STX18: variants seen among roughly 807,000 people sequenced by gnomAD.
STX18 encodes the protein syntaxin 18, also known as syntaxin-18.
Under a neutral mutation model 50.1 loss-of-function variants are expected in STX18, and 40 were observed. That is an observed-to-expected ratio of 0.80 (90% CI 0.62 to 1.04). The LOEUF (loss-of-function observed/expected upper bound fraction) is 1.04. Ranked by LOEUF, STX18 falls within the 50% of genes least tolerant of loss-of-function variation. The pLI is 0.00. For synonymous variants in STX18, 158 were observed against 151.8 expected (o/e 1.04, Z -0.30); for missense variants, 410 against 415.8 (o/e 0.99, Z 0.12).
At chr4:4,429,042 C>T (rs1725396854) in intron 7 of STX18, among the ~76,000 whole-genome samples, 1 of 152,134 alleles carries the variant, frequency 6.6e-6, no homozygotes, top group African/African-American at 2.4e-5. Context: ...TTCAGCTAGA[C>T]CAGCACTCTC....
At chr4:4,448,659 C>G (rs535477581) in intron 5 of STX18, among the ~76,000 whole-genome samples, 1 of 152,242 alleles carries the variant, frequency 6.6e-6, no homozygotes, top group African/African-American at 2.4e-5. Flanking sequence ...TCCTCTTTGT[C>G]TAAGTTTTCT....
intron 9 of STX18, among the ~76,000 whole-genome samples, chr4:4,422,467 A>T (rs1436120330): frequency 2.6e-5 from 4 of 151,764 alleles, no homozygotes; most frequent in African/African-American, 4.8e-5. Context: ...CAAGAGGCTG[A>T]CTGAGGCAGG....
chr4:4,431,209 C>T (rs1187962420), intron 7 of STX18, among the ~76,000 whole-genome samples: 1 of 152,170 alleles, frequency 6.6e-6, no homozygotes, highest in East Asian at 1.9e-4. Context: ...AAGCCCAACA[C>T]AGAAGGTAAA....
chr4:4,420,180 G>C lies in STX18; in HGVS notation c.913-51C>G. On this transcript the variant is annotated intron_variant, in intron 10 of 10. Transcript: ENST00000306200. The surrounding 1 kb of genome is among the most constrained non-coding windows in gnomAD (Gnocchi z 4.3). ...TTTTTATCACACAGGATTTTGGTTT[G>C]AGCAGCCCTGAAATGCCCCCCTCTT... The C allele has an allele frequency of 6.7e-7, 1 of 1,491,814 alleles. No homozygotes were observed. The highest frequency in any genetic ancestry group is 9.1e-7 in the Non-Finnish European group (1 of 1,093,964). 92.4% of individuals were successfully genotyped at this position (1,491,814 alleles called of 1,614,324 possible).
intron 6 of STX18, chr4:4,437,553 A>T: frequency 1.1e-6 from 1 of 948,674 alleles, no homozygotes; most frequent in South Asian, 4.9e-5. Flanking sequence ...TCTGGTCCCA[A>T]GCATTTCAGA....
At chr4:4,422,137 T>G (rs1478789839) in intron 9 of STX18, among the ~76,000 whole-genome samples, 1 of 152,182 alleles carries the variant, frequency 6.6e-6, no homozygotes, top group African/African-American at 2.4e-5. Context: ...CTTTGCCTCA[T>G]CATCACCCCT....
At chr4:4,533,674 C>T (rs993242892) in intron 1 of STX18, among the ~76,000 whole-genome samples, 1 of 152,342 alleles carries the variant, frequency 6.6e-6, no homozygotes, top group African/African-American at 2.4e-5. Context: ...GTAGAAAAAT[C>T]TGGTTCTTGG....
At chr4:4,488,560 A>G (rs971405580) in intron 1 of STX18, among the ~76,000 whole-genome samples, 1 of 152,210 alleles carries the variant, frequency 6.6e-6, no homozygotes, top group African/African-American at 2.4e-5. Context: ...CAGCCCATCA[A>G]GTATGGGTCC....
intron 1 of STX18, among the ~76,000 whole-genome samples, chr4:4,533,362 A>G (rs1731187210): frequency 1.3e-5 from 2 of 152,226 alleles, no homozygotes; most frequent in South Asian, 4.1e-4. Context: ...GACGTCAAAC[A>G]TCAAGTTTAC....
intron 2 of STX18, among the ~76,000 whole-genome samples, chr4:4,465,743 C>A (rs1727591084): frequency 6.6e-6 from 1 of 152,158 alleles, no homozygotes; most frequent in South Asian, 2.1e-4. Context: ...ACCTGCACAT[C>A]CTACACATGT....
At chr4:4,525,077 CCTGTGG>C (rs1366513611) in intron 1 of STX18, among the ~76,000 whole-genome samples, 1 of 152,074 alleles carries the variant, frequency 6.6e-6, no homozygotes, top group Non-Finnish European at 1.5e-5. Flanking sequence ...ATAGGGGTAT[CCTGTGG>C]TACATTTATG....
chr4:4,502,195 G>T (rs1729489838), intron 1 of STX18, among the ~76,000 whole-genome samples: 1 of 152,120 alleles, frequency 6.6e-6, no homozygotes, highest in African/African-American at 2.4e-5. Context: ...GGAAACAAAT[G>T]ACAGCACTTT....
intron 1 of STX18, chr4:4,499,638 T>G (rs1400544974): frequency 3.4e-6 from 2 of 582,052 alleles, no homozygotes; most frequent in East Asian, 1.4e-4. Context: ...ACTTAATCAT[T>G]AAACCTGAAC....
intron 5 of STX18, among the ~76,000 whole-genome samples, chr4:4,456,817 C>T (rs1260858446): frequency 6.6e-6 from 1 of 152,160 alleles, no homozygotes; most frequent in Non-Finnish European, 1.5e-5. Flanking sequence ...TCAAGATGTG[C>T]CAGCCTCATC....
At chr4:4,539,578 C>T (rs556185146) in intron 1 of STX18, among the ~76,000 whole-genome samples, 2 of 152,356 alleles carry the variant, frequency 1.3e-5, no homozygotes, top group South Asian at 4.1e-4. Context: ...CCCTGAACAA[C>T]ACAGCCCATG....
intron 1 of STX18, among the ~76,000 whole-genome samples, chr4:4,539,195 T>A (rs1419365223): frequency 6.6e-6 from 1 of 152,170 alleles, no homozygotes; most frequent in African/African-American, 2.4e-5. Flanking sequence ...TTGAACCAGA[T>A]AAAACGCATC....
chr4:4,438,436 A>C lies in STX18; in HGVS notation c.571T>G (p.Ser191Ala), dbSNP rs1725907942. ...TSSEKVSQSP[S>A]KDSEENPATE... ...GCAGGGTTTTCTTCAGAGTCTTTTG[A>C]AGGACTCTGTGAAACTTTCTCAGAA... Residue 191 changes from serine to alanine, a missense_variant, in exon 6 of 11, where the codon TCA (serine) becomes GCA (alanine). Transcript: ENST00000306200. The C allele has an allele frequency of 2.5e-5, 41 of 1,613,840 alleles. No individual in the cohort carries two copies. The highest frequency in any genetic ancestry group is 3.4e-5 in the Non-Finnish European group (40 of 1,179,812).
intron 1 of STX18, among the ~76,000 whole-genome samples, chr4:4,500,514 C>G (rs62289846): frequency 0.055 from 8,401 of 152,152 alleles, 334 homozygotes; most frequent in African/African-American, 0.11. Flanking sequence ...AATACTGCAC[C>G]TTTTTACCAG....
At chr4:4,466,453 G>T (rs1727625557) in intron 2 of STX18, among the ~76,000 whole-genome samples, 1 of 152,186 alleles carries the variant, frequency 6.6e-6, no homozygotes, top group Non-Finnish European at 1.5e-5. Flanking sequence ...GCAGAGAAGG[G>T]ATTTGAAGAG....
Sources: allele counts gnomAD v4.1 joint callset (sites outside exome capture counted in the v4.1 genomes callset), GRCh38; gene constraint gnomAD v4.1.1; non-coding constraint Gnocchi (gnomAD v3.1); transcripts MANE v1.5; gene names NCBI Gene and HGNC (gene_info 2026-07-23, HGNC 2026-07-21).